CHRM3: variants seen among roughly 807,000 people sequenced by gnomAD.
The protein encoded by CHRM3 is muscarinic acetylcholine receptor M3.
Under a neutral mutation model 41.8 loss-of-function variants are expected in CHRM3, and 11 were observed. That is an observed-to-expected ratio of 0.26 (90% CI 0.17 to 0.44). The LOEUF (loss-of-function observed/expected upper bound fraction) is 0.44. Among genes scored for constraint, CHRM3 ranks in the 20% least tolerant of loss-of-function variants. The probability of loss-of-function intolerance (pLI) is 1.00; values close to 1 mark genes in which losing one functional copy is unlikely to be tolerated. For missense variants in CHRM3, 571 were observed against 745.4 expected (o/e 0.77, Z 2.72); for synonymous variants, 297 against 301.4 (o/e 0.99, Z 0.15).
At chr1:239,478,958 A>G (rs941006496) in intron 1 of CHRM3, among the ~76,000 whole-genome samples, 3 of 152,108 alleles carry the variant, frequency 2.0e-5, no homozygotes, top group Admixed American at 2.0e-4. Flanking sequence ...TGAGGCGGGT[A>G]GATCACTTGA....
At chr1:239,868,614 C>G (rs1409417250) in intron 6 of CHRM3, among the ~76,000 whole-genome samples, 5 of 152,180 alleles carry the variant, frequency 3.3e-5, no homozygotes, top group Non-Finnish European at 5.9e-5. Context: ...AATCTGTTCT[C>G]AAGCCATGCT....
intron 3 of CHRM3, among the ~76,000 whole-genome samples, chr1:239,618,642 A>G (rs925157226): frequency 6.6e-5 from 10 of 151,664 alleles, no homozygotes; most frequent in East Asian, 2.0e-4. Context: ...CAGGAGATCG[A>G]GACCATCCTG....
chr1:239,514,017 C>T (rs1431272746), intron 2 of CHRM3, among the ~76,000 whole-genome samples: 7 of 152,100 alleles, frequency 4.6e-5, no homozygotes, highest in African/African-American at 7.2e-5. Flanking sequence ...TCACCAACAC[C>T]GCTCTGTCTT....
chr1:239,444,146 T>A (rs560565924), intron 1 of CHRM3, among the ~76,000 whole-genome samples: 1 of 152,136 alleles, frequency 6.6e-6, no homozygotes, highest in Non-Finnish European at 1.5e-5. Flanking sequence ...GCCTTAGTCA[T>A]GAGGAAAACG....
chr1:239,459,625 G>A (rs1423035626), intron 1 of CHRM3, among the ~76,000 whole-genome samples: 2 of 152,078 alleles, frequency 1.3e-5, no homozygotes, highest in Non-Finnish European at 2.9e-5. Context: ...TAATAGATAT[G>A]GTTTTATTTT....
chr1:239,489,815 T>G (rs1356244881), intron 1 of CHRM3, among the ~76,000 whole-genome samples: 1 of 152,152 alleles, frequency 6.6e-6, no homozygotes, highest in East Asian at 1.9e-4. Context: ...TATGAAAATG[T>G]TTTGTTGTTA....
intron 5 of CHRM3, among the ~76,000 whole-genome samples, chr1:239,744,936 G>A (rs1544170): frequency 0.52 from 78,982 of 151,840 alleles, 21,436 homozygotes; most frequent in African/African-American, 0.67. Flanking sequence ...AAATTGAGGA[G>A]GAAGACAGTG....
rs979683036 is a variant in CHRM3, at chr1:239,760,479, TCTAC to T, written c.-146-66770_-146-66767del. Among the ~76,000 whole-genome samples the T allele has an allele frequency of 4.6e-5, 7 of 152,110 alleles. No homozygotes were observed. In the East Asian group the frequency reaches 1.2e-3, roughly 25 times the overall value. ...CCTGATGACCAACCTTGCCTGTTCG[TCTAC>T]CTTTTTGCGTGGTCTTCTTTTCTTA... On this transcript the variant is annotated intron_variant, in intron 5 of 6. Coordinates refer to ENST00000676153, the MANE Select transcript of CHRM3 (RefSeq NM_001375978.1).
At chr1:239,422,521 C>T (rs905032559) in intron 1 of CHRM3, among the ~76,000 whole-genome samples, 5 of 152,080 alleles carry the variant, frequency 3.3e-5, no homozygotes, top group Admixed American at 1.3e-4. Flanking sequence ...GTTGTCCAAG[C>T]GCGGTGGCTC....
chr1:239,733,734 T>G (rs552981205), intron 5 of CHRM3, among the ~76,000 whole-genome samples: 52 of 152,208 alleles, frequency 3.4e-4, no homozygotes, highest in African/African-American at 1.3e-3. Context: ...CAGCTGTTGC[T>G]TAATGTATGG....
chr1:239,794,804 C>A (rs1669637457), intron 5 of CHRM3, among the ~76,000 whole-genome samples: 1 of 152,130 alleles, frequency 6.6e-6, no homozygotes, highest in African/African-American at 2.4e-5. Context: ...TCCATCCAAC[C>A]ATTTCTCTGT....
intron 6 of CHRM3, among the ~76,000 whole-genome samples, chr1:239,855,573 A>C (rs1572499138): frequency 6.6e-6 from 1 of 152,092 alleles, no homozygotes; most frequent in Admixed American, 6.6e-5. Context: ...TTTCACTCAT[A>C]CACACAAACA....
chr1:239,697,908 AAAC>A (rs552260028), intron 5 of CHRM3, among the ~76,000 whole-genome samples: 229 of 152,286 alleles, frequency 1.5e-3, no homozygotes, highest in African/African-American at 5.0e-3. Flanking sequence ...ATAGGAAAGA[AAAC>A]AATTCCCTGA....
intron 5 of CHRM3, among the ~76,000 whole-genome samples, chr1:239,740,734 A>T (rs1238962801): frequency 6.6e-6 from 1 of 152,184 alleles, no homozygotes; most frequent in Admixed American, 6.5e-5. Context: ...ATCACTGGTC[A>T]TTAGCGAAAT....
chr1:239,600,627 A>G (rs924811485), intron 3 of CHRM3, among the ~76,000 whole-genome samples: 15 of 152,044 alleles, frequency 9.9e-5, no homozygotes, highest in Non-Finnish European at 2.1e-4. Context: ...CATGTGCAAC[A>G]ACCTATAAAT....
chr1:239,648,581 G>A (rs1671948984), intron 4 of CHRM3, among the ~76,000 whole-genome samples: 1 of 152,142 alleles, frequency 6.6e-6, no homozygotes, highest in Non-Finnish European at 1.5e-5. Context: ...TGGATGAGGG[G>A]GAATTCTGGA....
intron 6 of CHRM3, among the ~76,000 whole-genome samples, chr1:239,869,777 G>A (rs1558194687): frequency 6.6e-6 from 1 of 152,172 alleles, no homozygotes; most frequent in Non-Finnish European, 1.5e-5. Flanking sequence ...GGGAGAAGCT[G>A]CGTCTAAATT....
intron 5 of CHRM3, among the ~76,000 whole-genome samples, chr1:239,793,589 A>G (rs1250884948): frequency 3.9e-5 from 6 of 152,214 alleles, no homozygotes; most frequent in Admixed American, 2.6e-4. Flanking sequence ...ATGAGGAGTC[A>G]TAGAATGGAA....
intron 1 of CHRM3, among the ~76,000 whole-genome samples, chr1:239,484,281 A>T (rs1461375042): frequency 6.6e-6 from 1 of 152,186 alleles, no homozygotes; most frequent in African/African-American, 2.4e-5. Context: ...ACTTGGTGAC[A>T]GCAGGAGCAA....
Sources: gnomAD v4.1 joint callset for allele counts (sites outside exome capture counted in the v4.1 genomes callset) on GRCh38, gnomAD v4.1.1 for gene constraint, MANE v1.5 for transcripts, NCBI Gene and HGNC (gene_info 2026-07-23, HGNC 2026-07-21) for gene names.